Variants in CORO1C observed in about 807,000 individuals in gnomAD.
CORO1C encodes coronin 1C.
A neutral mutation model predicts 51.2 loss-of-function variants in CORO1C; 14 were observed. The ratio of observed to expected loss-of-function variants is 0.27; its 90% CI spans 0.18 to 0.43. CORO1C has a LOEUF of 0.43. CORO1C is among the 20% of genes least tolerant of loss of function. The probability of loss-of-function intolerance (pLI) is 1.00; values close to 1 mark genes in which losing one functional copy is unlikely to be tolerated. For synonymous variants in CORO1C, 181 were observed against 210.5 expected (o/e 0.86, Z 1.21); for missense variants, 417 against 607.8 (o/e 0.69, Z 3.30).
chr12:108,725,834 G>A (rs987862341), intron 1 of CORO1C, among the ~76,000 whole-genome samples: 2 of 151,928 alleles, frequency 1.3e-5, no homozygotes, highest in African/African-American at 4.8e-5. Context: ...TTTTTGAGAC[G>A]GATTCTTTCT....
At chr12:108,652,671 C>T (rs1049927013) in intron 7 of CORO1C, among the ~76,000 whole-genome samples, 10 of 152,218 alleles carry the variant, frequency 6.6e-5, no homozygotes, top group Admixed American at 2.0e-4. Flanking sequence ...TCTAATTTTA[C>T]TCCCCTGAGC....
At position 108,695,131 on chromosome 12, in the gene CORO1C, C is replaced by A. The variant is rs114699236; in HGVS notation, c.195+5993G>T. On this transcript the variant is annotated intron_variant, in intron 2 of 10. Transcript: ENST00000261401. ...TTACTAGGGCTGCAGGATCTACTTT[C>A]AAGATGGCTCATCACATGGCTGGTT... Among the ~76,000 whole-genome samples the A allele has an allele frequency of 6.1e-3, 933 of 152,318 alleles. 9 individuals carry two copies. The highest frequency in any genetic ancestry group is 0.022 in the African/African-American group (906 of 41,564).
Position 108,647,541 on chromosome 12 carries a change from G to A in CORO1C, c.1306-19C>T, listed in dbSNP as rs771648298. 1.9e-6 allele frequency: 3 copies of A among 1,569,974 alleles called. No individual in the cohort carries two copies. The highest frequency in any genetic ancestry group is 1.1e-5 in the South Asian group (1 of 88,766). On this transcript the variant is annotated intron_variant, in intron 10 of 10. Coordinates refer to ENST00000261401, the MANE Select transcript of CORO1C (RefSeq NM_014325.4). Reference sequence around the variant, plus strand: ...CATTTTGCTAAGAAAACAAAAAAAGGAGGCAGTGATTAAAATGCAGTAAAC... The same window carrying A: ...CATTTTGCTAAGAAAACAAAAAAAGAAGGCAGTGATTAAAATGCAGTAAAC...
At chr12:108,729,108 T>C (rs1206446052) in intron 1 of CORO1C, among the ~76,000 whole-genome samples, 6 of 152,336 alleles carry the variant, frequency 3.9e-5, no homozygotes, top group East Asian at 3.9e-4. Flanking sequence ...TACCCACTTA[T>C]ATAACTAAGA....
rs1363962095 is a variant in CORO1C at position 108,658,905 on chromosome 12, TG to T, written c.462del (p.Ile155LeufsTer13). 1 of 1,607,868 alleles carries T rather than the reference TG, an allele frequency of 6.2e-7. No individual in the cohort carries two copies. Among genetic ancestry groups the T allele is most frequent in the African/African-American group, 1.3e-5 (1 of 74,842 alleles). ...NVLLSAGCDN[A>X]IIIWNVGTGE... ...CCTGTTCCCACATTCCAGATGATAA[TG>T]GCATTATCACAGCCTAAAACAGGCA... On this transcript the variant is annotated frameshift_variant, in exon 5 of 11. Transcript: ENST00000261401. LOFTEE classifies it high-confidence loss of function. This position sits in a 1 kb window ranked among gnomAD's most constrained non-coding sequence, Gnocchi z 4.9.
chr12:108,652,616 C>T (rs990832985), intron 7 of CORO1C, among the ~76,000 whole-genome samples, 199 bp from the exon 8 acceptor site: 33 of 152,168 alleles, frequency 2.2e-4, no homozygotes, highest in African/African-American at 7.5e-4. Context: ...TTATCAAATG[C>T]TAGCATGCCT....
chr12:108,679,884 C>T (rs933057676), intron 2 of CORO1C, among the ~76,000 whole-genome samples: 7 of 152,188 alleles, frequency 4.6e-5, no homozygotes, highest in Non-Finnish European at 8.8e-5. Context: ...TTAACTCCCA[C>T]AATTACCGTA....
intron 2 of CORO1C, among the ~76,000 whole-genome samples, chr12:108,688,679 G>A (rs1181078416): frequency 6.6e-6 from 1 of 152,088 alleles, no homozygotes. Flanking sequence ...GGCCGAGGCA[G>A]GTGGATCATC....
intron 1 of CORO1C, among the ~76,000 whole-genome samples, chr12:108,714,343 C>T (rs771854527): frequency 4.1e-5 from 6 of 146,066 alleles, no homozygotes; most frequent in African/African-American, 1.5e-4. Context: ...GAGCCAAGAT[C>T]GCGCCACTGC....
At chr12:108,713,618 C>T (rs1156361582) in intron 1 of CORO1C, among the ~76,000 whole-genome samples, 1 of 152,184 alleles carries the variant, frequency 6.6e-6, no homozygotes, top group Non-Finnish European at 1.5e-5. Flanking sequence ...GGAGAGAGTT[C>T]CAAAGCTCAT....
intron 8 of CORO1C, 197 bp downstream of exon 8, chr12:108,652,075 A>AT (rs1171881076): frequency 1.2e-4 from 10 of 81,894 alleles, no homozygotes; most frequent in Admixed American, 4.5e-4. Context: ...TTTTTTTGAG[A>AT]TTTTTTTCTA....
At chr12:108,726,635 C>A (rs1253720763) in intron 1 of CORO1C, among the ~76,000 whole-genome samples, 1 of 149,698 alleles carries the variant, frequency 6.7e-6, no homozygotes. Flanking sequence ...CATAGTGAGA[C>A]CCCATCTCTA....
intron 2 of CORO1C, 32 bp from the exon 3 acceptor site, chr12:108,678,426 A>C: frequency 2.0e-6 from 3 of 1,530,310 alleles, no homozygotes; most frequent in Non-Finnish European, 2.7e-6. Context: ...CCTATTATGT[A>C]ATATCAACAC....
chr12:108,721,670 C>G (rs549603438), intron 1 of CORO1C, among the ~76,000 whole-genome samples: 48 of 151,826 alleles, frequency 3.2e-4, no homozygotes, highest in Non-Finnish European at 6.0e-4. Context: ...TAGTTCAAAC[C>G]CTTCACAGAG....
In CORO1C at chr12:108,645,192, AGGAGTAATTCACT is replaced by A. The variant is rs1422557624; in HGVS notation, c.*2198_*2210del. On this transcript the variant is annotated 3_prime_UTR_variant, in exon 11 of 11. Coordinates refer to ENST00000261401, the MANE Select transcript of CORO1C (RefSeq NM_014325.4). ...ATGGCCACTCTATAAGAGCCGACCT[AGGAGTAATTCACT>A]GTCCTCTTCTGGGATGTCATGGCTT... 6.6e-6 allele frequency: 1 copy of A among 151,508 alleles called. No homozygotes were observed. Among genetic ancestry groups the A allele is most frequent in the Non-Finnish European group, 1.5e-5 (1 of 67,876 alleles). 9.4% of individuals were successfully genotyped at this position (151,508 alleles called of 1,614,324 possible). A position where few individuals can be genotyped will look rare whatever the true frequency, so the allele number is the denominator to read the frequency against.
At chr12:108,695,655 C>T (rs1193137981) in intron 2 of CORO1C, among the ~76,000 whole-genome samples, 2 of 152,050 alleles carry the variant, frequency 1.3e-5, no homozygotes, top group Non-Finnish European at 2.9e-5. Context: ...CAAGTATCAT[C>T]ATTAGTGGAA....
chr12:108,714,577 A>G (rs1021318852), intron 1 of CORO1C, among the ~76,000 whole-genome samples: 1 of 151,468 alleles, frequency 6.6e-6, no homozygotes, highest in Non-Finnish European at 1.5e-5. Flanking sequence ...CCTGGGCAAC[A>G]TGGCAAAACT....
intron 3 of CORO1C, among the ~76,000 whole-genome samples, chr12:108,677,207 G>A (rs1376900346): frequency 4.6e-5 from 7 of 152,166 alleles, no homozygotes; most frequent in Admixed American, 4.6e-4. Flanking sequence ...GGGGCAGCAA[G>A]TACTCCCATT....
intron 2 of CORO1C, among the ~76,000 whole-genome samples, chr12:108,692,923 G>A (rs945493595): frequency 2.7e-5 from 4 of 147,970 alleles, no homozygotes; most frequent in South Asian, 2.2e-4. Context: ...TCAGCCTCCC[G>A]ATTAGCTGCG....
Sources: gnomAD v4.1 joint callset for allele counts (sites outside exome capture counted in the v4.1 genomes callset) on GRCh38, gnomAD v4.1.1 for gene constraint, Gnocchi (gnomAD v3.1) non-coding constraint, MANE v1.5 for transcripts, NCBI Gene and HGNC (gene_info 2026-07-23, HGNC 2026-07-21) for gene names.